The following MSH3 variants were observed in gnomAD, a reference collection of about 807,000 sequenced individuals.
MSH3 encodes mutS homolog 3, also known as DNA mismatch repair protein Msh3.
A neutral mutation model predicts 123.3 loss-of-function variants in MSH3; 106 were observed. The observed-to-expected ratio is 0.86, with a 90% CI of 0.73 to 1.01. MSH3 has a LOEUF of 1.01. Ranked by LOEUF, MSH3 falls within the 50% of genes least tolerant of loss-of-function variation. MSH3 has a pLI of 0.00. For missense variants in MSH3, 1,459 were observed against 1,347.6 expected (o/e 1.08, Z -1.29); for synonymous variants, 515 against 481.4 (o/e 1.07, Z -0.91).
chr5:80,777,018 G>A (rs1417683130), intron 16 of MSH3, among the ~76,000 whole-genome samples: 1 of 149,016 alleles, frequency 6.7e-6, no homozygotes, highest in African/African-American at 2.5e-5. Flanking sequence ...TGCAACCTCC[G>A]CCTCCCGGGT....
At chr5:80,686,297 AT>A (rs1007964184) in intron 8 of MSH3, among the ~76,000 whole-genome samples, 219 of 151,496 alleles carry the variant, frequency 1.4e-3, no homozygotes, top group Non-Finnish European at 2.7e-3. Context: ...TCCAGCTGCT[AT>A]TTTTTTTCTC....
intron 15 of MSH3, among the ~76,000 whole-genome samples, chr5:80,772,996 C>T (rs758112909): frequency 1.3e-5 from 2 of 152,142 alleles, no homozygotes; most frequent in African/African-American, 2.4e-5. Context: ...TATGGTAGCC[C>T]GCTGTAGTGA....
chr5:80,845,270 A>G (rs1456262854), intron 20 of MSH3, among the ~76,000 whole-genome samples: 1 of 152,158 alleles, frequency 6.6e-6, no homozygotes, highest in African/African-American at 2.4e-5. Flanking sequence ...CAAGAGATCC[A>G]CTGTTAGTCT....
intron 8 of MSH3, among the ~76,000 whole-genome samples, chr5:80,684,597 T>C (rs1249570313): frequency 1.3e-5 from 2 of 152,190 alleles, no homozygotes; most frequent in African/African-American, 4.8e-5. Flanking sequence ...TTTTTCCAAA[T>C]GTAAGTTCAT....
At chr5:80,704,906 A>G (rs1048929124) in intron 8 of MSH3, among the ~76,000 whole-genome samples, 11 of 152,084 alleles carry the variant, frequency 7.2e-5, no homozygotes, top group African/African-American at 2.7e-4. Context: ...ACAACCCCAT[A>G]CAGTGAGAGC....
intron 13 of MSH3, among the ~76,000 whole-genome samples, chr5:80,765,319 A>T (rs1000417186): frequency 1.3e-5 from 2 of 152,218 alleles, no homozygotes; most frequent in African/African-American, 4.8e-5. Flanking sequence ...GTTAAAAGGT[A>T]TCATTAATTG....
chr5:80,660,644 A>G (rs1409366307), intron 2 of MSH3, among the ~76,000 whole-genome samples: 1 of 152,220 alleles, frequency 6.6e-6, no homozygotes, highest in Admixed American at 6.5e-5. Context: ...CCTTTAGCAT[A>G]TAAGACATCA....
intron 20 of MSH3, among the ~76,000 whole-genome samples, chr5:80,840,914 T>A (rs1745610530): frequency 6.6e-6 from 1 of 151,498 alleles, no homozygotes; most frequent in Non-Finnish European, 1.5e-5. Context: ...ATGCTCTTTT[T>A]TTTTAATATA....
intron 17 of MSH3, among the ~76,000 whole-genome samples, chr5:80,784,231 AAAAAAAAAGG>A (rs1744461964): frequency 1.5e-5 from 2 of 132,872 alleles, no homozygotes; most frequent in African/African-American, 6.8e-5. Flanking sequence ...AAAAAAAAAA[AAAAAAAAAGG>A]GAAATAAATA....
At chr5:80,862,619 G>A (rs1746032594) in intron 21 of MSH3, among the ~76,000 whole-genome samples, 1 of 152,048 alleles carries the variant, frequency 6.6e-6, no homozygotes, top group Admixed American at 6.6e-5. Flanking sequence ...AATTAGCCAG[G>A]CATAGTGGTG....
intron 8 of MSH3, among the ~76,000 whole-genome samples, chr5:80,696,350 C>T (rs1396438138): frequency 2.6e-5 from 4 of 152,168 alleles, no homozygotes; most frequent in Non-Finnish European, 5.9e-5. Flanking sequence ...AATCTGGGGT[C>T]CCAGCCTTTG....
At chr5:80,795,280 G>A (rs1279385469) in intron 19 of MSH3, among the ~76,000 whole-genome samples, 2 of 152,132 alleles carry the variant, frequency 1.3e-5, no homozygotes, top group Non-Finnish European at 2.9e-5. Flanking sequence ...AACAAGACTT[G>A]TTGGTAGTAT....
Position 80,655,881 on chromosome 5 carries a change from A to G in MSH3, c.238-530A>G, listed in dbSNP as rs566582141. Among the ~76,000 whole-genome samples, 5 of 152,324 alleles carry G rather than the reference A, an allele frequency of 3.3e-5. No individual in the cohort carries two copies. In the South Asian group the frequency reaches 1.0e-3, roughly 32 times the overall value. On this transcript the variant is annotated intron_variant, in intron 1 of 23. Coordinates refer to ENST00000265081, the MANE Select transcript of MSH3 (RefSeq NM_002439.5). Reference sequence around the variant, plus strand: ...CCACCATTTAAAGGGTAGCTGGTGAAGGACTTATGTATGCTTTTGGCAAGT... The same window carrying G: ...CCACCATTTAAAGGGTAGCTGGTGAGGGACTTATGTATGCTTTTGGCAAGT...
chr5:80,797,946 C>T (rs1744726780), intron 19 of MSH3, among the ~76,000 whole-genome samples: 1 of 152,086 alleles, frequency 6.6e-6, no homozygotes, highest in South Asian at 2.1e-4. Context: ...GTTTGTTAAA[C>T]CAAATGACTC....
intron 23 of MSH3, among the ~76,000 whole-genome samples, chr5:80,873,741 A>G (rs1746262325): frequency 6.6e-6 from 1 of 152,180 alleles, no homozygotes; most frequent in Non-Finnish European, 1.5e-5. Context: ...CATGTCACTT[A>G]TTTTGTAGAT....
At chr5:80,858,776 G>A (rs766329830) in intron 21 of MSH3, among the ~76,000 whole-genome samples, 3 of 152,092 alleles carry the variant, frequency 2.0e-5, no homozygotes, top group Non-Finnish European at 2.9e-5. Flanking sequence ...CTGCCTGCTG[G>A]ATCTGTCTGT....
chr5:80,819,535 A>G (rs1384323800), intron 20 of MSH3, among the ~76,000 whole-genome samples: 1 of 150,056 alleles, frequency 6.7e-6, no homozygotes, highest in Non-Finnish European at 1.5e-5. Context: ...CTGGAGTGCA[A>G]TGACACGATC....
chr5:80,711,652 CTTCTTTTTT>C (rs1473337159), intron 8 of MSH3, among the ~76,000 whole-genome samples: 3 of 151,920 alleles, frequency 2.0e-5, no homozygotes, highest in East Asian at 3.9e-4. Context: ...TTCTTTTTTT[CTTCTTTTTT>C]TTCTTTTTTT....
At position 80,875,855 on chromosome 5, in the gene MSH3, T is replaced by A. The variant is rs753475996; in HGVS notation, c.3407T>A (p.Leu1136His). 1.9e-6 allele frequency: 3 copies of A among 1,591,962 alleles called. No homozygotes were observed. The East Asian group carries it at 6.7e-5, about 36-fold the overall frequency. ...ATGGAAGAAACACAGACTTCTCTTC[T>A]TCATTAAAATGAAGACTACATTTGT... Reference protein sequence around the residue: ...FNMEETQTSLLH With the variant: ...FNMEETQTSLHH Residue 1136 changes from leucine to histidine, a missense_variant, in exon 24 of 24, where the codon CTT (leucine) becomes CAT (histidine). Leu to His is a moderately conservative substitution (Grantham distance 99). Transcript: ENST00000265081.
Sources: gnomAD v4.1 joint callset for allele counts (sites outside exome capture counted in the v4.1 genomes callset) on GRCh38, gnomAD v4.1.1 for gene constraint, MANE v1.5 for transcripts, NCBI Gene and HGNC (gene_info 2026-07-23, HGNC 2026-07-21) for gene names.